The following DAB2IP variants were observed in gnomAD, a reference collection of about 807,000 sequenced individuals.
DAB2IP encodes DAB2 interacting protein, also known as disabled homolog 2-interacting protein.
A neutral mutation model predicts 107.2 loss-of-function variants in DAB2IP; 28 were observed. The observed-to-expected ratio is 0.26, with a 90% CI of 0.19 to 0.36. The LOEUF is 0.36. Ranked by LOEUF, DAB2IP falls within the 10% of genes least tolerant of loss-of-function variation. The pLI is 1.00. For missense variants in DAB2IP, 1,400 were observed against 1,644.7 expected, an observed-to-expected ratio of 0.85 and a Z score of 2.57; for synonymous variants, 755 against 706.4, an observed-to-expected ratio of 1.07 and a Z score of -1.09.
At chr9:121,774,146 C>T in intron 12 of DAB2IP, 114 bp from the exon 13 acceptor site, 1 of 1,235,326 alleles carries the variant, frequency 8.1e-7, no homozygotes, top group Non-Finnish European at 1.1e-6. Context: ...TGGAGGTCCC[C>T]TCTTCCCACC....
chr9:121,745,385 G>A (rs927659071), intron 3 of DAB2IP, among the ~76,000 whole-genome samples: 4 of 152,156 alleles, frequency 2.6e-5, no homozygotes, highest in Non-Finnish European at 5.9e-5. Context: ...CCAGTGGCCT[G>A]GAACCCTGTG....
At chr9:121,641,712 A>G (rs1287119670) in intron 1 of DAB2IP, among the ~76,000 whole-genome samples, 1 of 152,052 alleles carries the variant, frequency 6.6e-6, no homozygotes, top group Non-Finnish European at 1.5e-5. Context: ...CCTGCCATCC[A>G]TGTGTCACAC....
intron 1 of DAB2IP, among the ~76,000 whole-genome samples, chr9:121,669,452 C>T (rs1833586169): frequency 6.6e-6 from 1 of 151,974 alleles, no homozygotes; most frequent in African/African-American, 2.4e-5. Flanking sequence ...AGAGCACGCA[C>T]CATGGGGCAT....
chr9:121,721,554 A>T (rs565297010), intron 3 of DAB2IP, among the ~76,000 whole-genome samples: 12 of 152,354 alleles, frequency 7.9e-5, no homozygotes, highest in African/African-American at 2.9e-4. Context: ...GGGGGGCAGC[A>T]GCCCCTGCAC....
At chr9:121,613,817 A>G (rs1285448592) in intron 1 of DAB2IP, among the ~76,000 whole-genome samples, 1 of 152,226 alleles carries the variant, frequency 6.6e-6, no homozygotes, top group African/African-American at 2.4e-5. Context: ...CAAATGACCT[A>G]TGCACTTGTT....
rs563439147 is a variant in DAB2IP, at chr9:121,680,233, G to T, written c.228+1452G>T. ...GGAACCTCCAGTACCAGGCCAAAGG[G>T]ATGGGGCTTTCCCCAGGGCCACTGA... On this transcript the variant is annotated intron_variant, in intron 2 of 15. Coordinates refer to ENST00000408936, the Ensembl canonical transcript of DAB2IP. Among the ~76,000 whole-genome samples, 24 of 152,318 alleles carry T rather than the reference G, an allele frequency of 1.6e-4. No homozygotes were observed. In the South Asian group the frequency reaches 4.8e-3, roughly 30 times the overall value.
chr9:121,768,676 T>C, intron 10 of DAB2IP, 43 bp downstream of exon 10: 1 of 1,607,470 alleles, frequency 6.2e-7, no homozygotes, highest in Non-Finnish European at 8.5e-7. Flanking sequence ...AAAGCTGCCA[T>C]CAGGCTTTTA....
At chr9:121,653,213 AG>A (rs1832827583) in intron 1 of DAB2IP, among the ~76,000 whole-genome samples, 1 of 46,254 alleles carries the variant, frequency 2.2e-5, no homozygotes, top group Non-Finnish European at 6.5e-5. Flanking sequence ...TACTCCTTGG[AG>A]GGAGTACTAA....
chr9:121,588,183 A>T (rs577939478), intron 1 of DAB2IP, among the ~76,000 whole-genome samples: 1 of 152,134 alleles, frequency 6.6e-6, no homozygotes, highest in African/African-American at 2.4e-5. Flanking sequence ...GCATAGGGAA[A>T]AAAAGGTCAA....
At chr9:121,725,514 C>T (rs764397718) in intron 3 of DAB2IP, among the ~76,000 whole-genome samples, 9 of 152,212 alleles carry the variant, frequency 5.9e-5, no homozygotes, top group South Asian at 4.1e-4. Context: ...CCTCTGTGTA[C>T]GCTCTGCTGT....
intron 14 of DAB2IP, among the ~76,000 whole-genome samples, chr9:121,777,556 T>G (rs1000209597): frequency 1.3e-5 from 2 of 152,250 alleles, no homozygotes; most frequent in Non-Finnish European, 2.9e-5. Context: ...ATTCAGAGAC[T>G]TGCTTAACAC....
chr9:121,744,027 C>T (rs1191860002), intron 3 of DAB2IP, among the ~76,000 whole-genome samples: 1 of 152,198 alleles, frequency 6.6e-6, no homozygotes, highest in Non-Finnish European at 1.5e-5. Flanking sequence ...CCCCCAGGCG[C>T]GGTGTCCCCT....
rs1044722538 is a variant in DAB2IP, at chr9:121,772,769, C to T, written c.2241C>T (p.Ser747=). ...TGGCCAACGGTGGCAAGAGCCTCTC[C>T]ATGGTGGACCTCCAGGACGCCCGCA... Residue 747 remains serine (S), a synonymous_variant, in exon 12 of 16, where the codon TCC becomes TCT. Transcript: ENST00000408936. This position sits in a 1 kb window ranked among gnomAD's most constrained non-coding sequence, Gnocchi z 4.7. 2 of 1,613,642 alleles carry T rather than the reference C, an allele frequency of 1.2e-6. No individual in the cohort carries two copies. Among genetic ancestry groups the T allele is most frequent in the African/African-American group, 2.7e-5 (2 of 74,950 alleles).
At chr9:121,638,419 C>T (rs906667111) in intron 1 of DAB2IP, among the ~76,000 whole-genome samples, 9 of 152,096 alleles carry the variant, frequency 5.9e-5, no homozygotes, top group Non-Finnish European at 1.2e-4. Flanking sequence ...CCTGGGATAC[C>T]GAGAGACGCC....
At chr9:121,766,842 T>G (rs992535883) in intron 9 of DAB2IP, 112 bp downstream of exon 9, 8 of 1,096,520 alleles carry the variant, frequency 7.3e-6, no homozygotes, top group Non-Finnish European at 1.1e-5. Flanking sequence ...CAGGCCCTGG[T>G]TTTGTCCCTG....
rs1055796644 is a variant in DAB2IP, at chr9:121,698,703, G to T, written c.229-622G>T. 4.6e-5 allele frequency among the ~76,000 whole-genome samples: 7 copies of T among 152,206 alleles called. No homozygotes were observed. The highest frequency in any genetic ancestry group is 2.4e-5 in the African/African-American group (1 of 41,452). On this transcript the variant is annotated intron_variant, in intron 2 of 15. Transcript: ENST00000408936. This position sits in a 1 kb window ranked among gnomAD's most constrained non-coding sequence, Gnocchi z 4.1. ...GGAAGGAAAGTCGCCCGGAATCGGG[G>T]TCTAAGTGGCCAGGGCACTGCCAGG...
At chr9:121,646,201 C>T (rs1457355708) in intron 1 of DAB2IP, among the ~76,000 whole-genome samples, 1 of 152,156 alleles carries the variant, frequency 6.6e-6, no homozygotes, top group Non-Finnish European at 1.5e-5. Flanking sequence ...TTTCTGCAAA[C>T]GATGTCATTA....
chr9:121,591,085 G>C (rs1320813437), intron 1 of DAB2IP, among the ~76,000 whole-genome samples: 2 of 152,232 alleles, frequency 1.3e-5, no homozygotes, highest in African/African-American at 2.4e-5. Flanking sequence ...GTATGCAAAG[G>C]CTGTGTCGTG....
At chr9:121,650,505 G>A (rs905503859), upstream of DAB2IP, among the ~76,000 whole-genome samples, 1 of 152,174 alleles carries the variant, frequency 6.6e-6, no homozygotes, top group Non-Finnish European at 1.5e-5. Context: ...AGGCACTTGC[G>A]GTGACTCACA....
Sources: allele counts gnomAD v4.1 joint callset (sites outside exome capture counted in the v4.1 genomes callset), GRCh38; gene constraint gnomAD v4.1.1; non-coding constraint Gnocchi (gnomAD v3.1); transcripts MANE v1.5; gene names NCBI Gene and HGNC (gene_info 2026-07-23, HGNC 2026-07-21).